PBX1: variants seen among roughly 807,000 people sequenced by gnomAD.
PBX1 encodes pre-B-cell leukemia transcription factor 1.
A neutral mutation model predicts 53.4 loss-of-function variants in PBX1; 6 were observed. The observed-to-expected ratio is 0.11, with a 90% CI of 0.06 to 0.22. PBX1 has a LOEUF of 0.22. Ranked by LOEUF, PBX1 falls within the 10% of genes least tolerant of loss-of-function variation. The probability of loss-of-function intolerance (pLI) is 1.00; values close to 1 mark genes in which losing one functional copy is unlikely to be tolerated. For missense variants in PBX1, 251 were observed against 551.4 expected (o/e 0.46, Z 5.46); for synonymous variants, 204 against 212.3 (o/e 0.96, Z 0.34).
chr1:164,837,027 G>A (rs1671070920), intron 8 of PBX1, among the ~76,000 whole-genome samples: 2 of 152,104 alleles, frequency 1.3e-5, no homozygotes, highest in East Asian at 1.9e-4. Context: ...TGTCATTGTT[G>A]GTCTGATAAT....
At chr1:164,837,185 C>T (rs74118221) in intron 8 of PBX1, among the ~76,000 whole-genome samples, 1,539 of 152,188 alleles carry the variant, frequency 0.01, 20 homozygotes, top group African/African-American at 0.035. Context: ...CACCGTTCAC[C>T]GTTAAGATGT....
At chr1:164,875,032 TACA>T (rs1230478202) in intron 2 of PBX1, among the ~76,000 whole-genome samples, 3 of 152,106 alleles carry the variant, frequency 2.0e-5, no homozygotes, top group African/African-American at 7.2e-5. Context: ...ATGGAAGAAA[TACA>T]ACGACTTTTG....
At chr1:164,782,414 GGAGAAGGT>G (rs377326300) in intron 2 of PBX1, among the ~76,000 whole-genome samples, 12 of 152,286 alleles carry the variant, frequency 7.9e-5, no homozygotes, top group African/African-American at 2.9e-4. Flanking sequence ...GGTCTAGCAG[GGAGAAGGT>G]GTATCATATT....
At chr1:164,671,467 C>T (rs1173264098) in intron 2 of PBX1, among the ~76,000 whole-genome samples, 1 of 152,116 alleles carries the variant, frequency 6.6e-6, no homozygotes, top group Non-Finnish European at 1.5e-5. Context: ...CATACACTCG[C>T]CTGCCAGTGC....
intron 2 of PBX1, among the ~76,000 whole-genome samples, chr1:164,691,417 A>G (rs191418998): frequency 2.0e-5 from 3 of 152,318 alleles, no homozygotes; most frequent in African/African-American, 7.2e-5. Flanking sequence ...CTGTGGGCAT[A>G]TGACATTTCC....
At chr1:164,603,929 A>ATTCTTTTTTTTTT (rs1656368794) in intron 2 of PBX1, among the ~76,000 whole-genome samples, 1 of 75,742 alleles carries the variant, frequency 1.3e-5, no homozygotes, top group Non-Finnish European at 2.3e-5. Context: ...ATGTCATTTC[A>ATTCTTTTTTTTTT]TTTTTTTTTT....
At chr1:164,870,279 T>TCTC (rs1672334880) in intron 2 of PBX1, among the ~76,000 whole-genome samples, 2 of 20,282 alleles carry the variant, frequency 9.9e-5, no homozygotes, top group African/African-American at 1.6e-4. Flanking sequence ...CTTTCTTTCT[T>TCTC]TCTTTCTTTC....
chr1:164,713,543 C>T (rs1451404538), intron 2 of PBX1, among the ~76,000 whole-genome samples: 1 of 152,110 alleles, frequency 6.6e-6, no homozygotes, highest in Non-Finnish European at 1.5e-5. Flanking sequence ...CTCTCTCCAC[C>T]CCTCTTCTCC....
intron 2 of PBX1, among the ~76,000 whole-genome samples, chr1:164,688,496 A>G (rs1662258832): frequency 6.6e-6 from 1 of 152,144 alleles, no homozygotes; most frequent in African/African-American, 2.4e-5. Context: ...GCATTTGCTC[A>G]TGTGATATAT....
At chr1:164,835,834 G>C (rs1357023910) in intron 8 of PBX1, among the ~76,000 whole-genome samples, 1 of 152,152 alleles carries the variant, frequency 6.6e-6, no homozygotes, top group African/African-American at 2.4e-5. Context: ...AGGCAGATCT[G>C]TAAGTGATAC....
intron 2 of PBX1, among the ~76,000 whole-genome samples, chr1:164,709,991 C>G (rs866081007): frequency 6.6e-6 from 1 of 152,146 alleles, no homozygotes; most frequent in South Asian, 2.1e-4. Context: ...GGTGTGAGGC[C>G]CAGGAGTCCC....
At chr1:164,773,273 A>ACACACACACACACACACACACAC (rs1553243952) in intron 2 of PBX1, among the ~76,000 whole-genome samples, 1 of 151,776 alleles carries the variant, frequency 6.6e-6, no homozygotes, top group Admixed American at 6.6e-5. Context: ...ACACACACAC[A>ACACACACACACACACACACACAC]GAGTTTTTCT....
intron 2 of PBX1, among the ~76,000 whole-genome samples, chr1:164,874,012 A>AG (rs923015979): frequency 2.0e-5 from 3 of 151,398 alleles, no homozygotes; most frequent in Admixed American, 1.3e-4. Context: ...ATTCAGAAAA[A>AG]AAAAAAAAGA....
At chr1:164,845,331 A>G (rs149412753) in intron 8 of PBX1, among the ~76,000 whole-genome samples, 268 of 152,200 alleles carry the variant, frequency 1.8e-3, no homozygotes, top group African/African-American at 6.4e-3. Context: ...TGGGAACGGC[A>G]TACTCCAGGT....
intron 2 of PBX1, among the ~76,000 whole-genome samples, chr1:164,573,701 A>G (rs139276220): frequency 9.9e-5 from 15 of 152,024 alleles, no homozygotes; most frequent in African/African-American, 3.6e-4. Context: ...GGCCAGGCTG[A>G]TCTTGAACTC....
chr1:164,687,987 C>T (rs1662225792), intron 2 of PBX1, among the ~76,000 whole-genome samples: 1 of 152,156 alleles, frequency 6.6e-6, no homozygotes, highest in Non-Finnish European at 1.5e-5. Flanking sequence ...ATGATATGCC[C>T]AAGATACCAC....
At chr1:164,595,954 CAG>C (rs1414598660) in intron 2 of PBX1, among the ~76,000 whole-genome samples, 2 of 151,990 alleles carry the variant, frequency 1.3e-5, no homozygotes, top group African/African-American at 4.8e-5. Context: ...ACTCTGAACA[CAG>C]AAAAATGGAA....
chr1:164,856,409 G>A (rs1671976480), downstream of PBX1, among the ~76,000 whole-genome samples: 1 of 151,958 alleles, frequency 6.6e-6, no homozygotes, highest in Non-Finnish European at 1.5e-5. Flanking sequence ...TCTTGCATAG[G>A]GCTCACTCTC....
intron 2 of PBX1, among the ~76,000 whole-genome samples, chr1:164,645,864 G>A (rs568454618): frequency 2.6e-5 from 4 of 152,142 alleles, no homozygotes; most frequent in South Asian, 2.1e-4. Flanking sequence ...AACAATGGGC[G>A]CTTTGAATTT....
Sources: gnomAD v4.1 joint callset for allele counts (sites outside exome capture counted in the v4.1 genomes callset) on GRCh38, gnomAD v4.1.1 for gene constraint, MANE v1.5 for transcripts, NCBI Gene and HGNC (gene_info 2026-07-23, HGNC 2026-07-21) for gene names.